CCDC149: variants seen among roughly 807,000 people sequenced by gnomAD.
CCDC149 encodes coiled-coil domain containing 149, also known as coiled-coil domain-containing protein 149.
Under a neutral mutation model 59.9 loss-of-function variants are expected in CCDC149, and 45 were observed. That is an observed-to-expected ratio of 0.75 (90% CI 0.59 to 0.96). CCDC149 has a LOEUF of 0.96. Among genes scored for constraint, CCDC149 ranks in the 40% least tolerant of loss-of-function variants. CCDC149 has a pLI of 0.00. For synonymous variants in CCDC149, 245 were observed against 260.6 expected (o/e 0.94, Z 0.58); for missense variants, 584 against 664.7 (o/e 0.88, Z 1.33).
intron 1 of CCDC149, among the ~76,000 whole-genome samples, chr4:24,882,329 T>C (rs1028586712): frequency 2.0e-5 from 3 of 152,204 alleles, no homozygotes; most frequent in Admixed American, 6.5e-5. Context: ...AGAAAGGAAC[T>C]AGAAGGTTCT....
At chr4:24,833,493 A>T (rs1208676349) in intron 8 of CCDC149, among the ~76,000 whole-genome samples, 1 of 152,122 alleles carries the variant, frequency 6.6e-6, no homozygotes, top group Non-Finnish European at 1.5e-5. Flanking sequence ...GCATGGTAGC[A>T]CACGCCTGTA....
chr4:24,946,530 G>T (rs1723114615), intron 1 of CCDC149, among the ~76,000 whole-genome samples: 1 of 152,108 alleles, frequency 6.6e-6, no homozygotes, highest in Non-Finnish European at 1.5e-5. Flanking sequence ...TGCAACAAAT[G>T]GCGGGTACTT....
intron 1 of CCDC149, among the ~76,000 whole-genome samples, chr4:24,910,969 C>T (rs540153362): frequency 1.3e-5 from 2 of 152,280 alleles, no homozygotes; most frequent in South Asian, 2.1e-4. Flanking sequence ...TCACCTCCCC[C>T]ATGGCCCCTG....
chr4:24,894,667 T>C (rs576016977), intron 1 of CCDC149, among the ~76,000 whole-genome samples: 1 of 151,922 alleles, frequency 6.6e-6, no homozygotes, highest in Admixed American at 6.5e-5. Flanking sequence ...TGTTCTCCTG[T>C]AAACACCAGA....
chr4:24,823,350 C>T (rs1715531555), intron 9 of CCDC149, among the ~76,000 whole-genome samples: 1 of 152,194 alleles, frequency 6.6e-6, no homozygotes, highest in Non-Finnish European at 1.5e-5. Context: ...GCCAAACTTT[C>T]ACTACATGCA....
intron 11 of CCDC149, among the ~76,000 whole-genome samples, chr4:24,820,509 A>G (rs1159747728): frequency 2.0e-5 from 3 of 152,170 alleles, no homozygotes; most frequent in Admixed American, 1.3e-4. Flanking sequence ...TGGGAAAGAA[A>G]GAAGAGGAAG....
At chr4:24,947,211 A>G (rs1460916119) in intron 1 of CCDC149, among the ~76,000 whole-genome samples, 1 of 152,070 alleles carries the variant, frequency 6.6e-6, no homozygotes, top group Admixed American at 6.5e-5. Flanking sequence ...TTGTTCCCAT[A>G]ATCCCCACAT....
At chr4:24,881,440 C>T (rs59507804) in intron 1 of CCDC149, among the ~76,000 whole-genome samples, 4,178 of 152,266 alleles carry the variant, frequency 0.027, 165 homozygotes, top group East Asian at 0.2. Context: ...GGTGGAAGCA[C>T]AGGTTGCTAT....
chr4:24,941,324 A>G (rs974237481), intron 1 of CCDC149, among the ~76,000 whole-genome samples: 10 of 152,224 alleles, frequency 6.6e-5, no homozygotes, highest in Admixed American at 1.3e-4. Flanking sequence ...TGAAGGCAGA[A>G]ATAAAGATGT....
At chr4:24,976,098 C>T (rs747875322) in intron 1 of CCDC149, among the ~76,000 whole-genome samples, 3 of 152,068 alleles carry the variant, frequency 2.0e-5, no homozygotes, top group African/African-American at 4.8e-5. Flanking sequence ...ATTTGAGCCC[C>T]GTGTTTAGCT....
At chr4:24,855,427 A>G (rs800466) in intron 3 of CCDC149, among the ~76,000 whole-genome samples, 119,439 of 151,924 alleles carry the variant, frequency 0.79, 46,974 homozygotes, top group East Asian at 0.91. Flanking sequence ...TTAGCCAGGC[A>G]TAGTAGCACA....
At chr4:24,928,606 T>C (rs951595351) in intron 1 of CCDC149, among the ~76,000 whole-genome samples, 1 of 152,198 alleles carries the variant, frequency 6.6e-6, no homozygotes, top group Non-Finnish European at 1.5e-5. Context: ...TCTTGCTTTC[T>C]TTGCTCCAAT....
intron 12 of CCDC149, among the ~76,000 whole-genome samples, chr4:24,818,216 C>T (rs972145948): frequency 6.6e-6 from 1 of 151,940 alleles, no homozygotes; most frequent in African/African-American, 2.4e-5. Flanking sequence ...TTGATGGCTC[C>T]AAGGTTTTGA....
chr4:24,954,068 C>T (rs1723392955), intron 1 of CCDC149, among the ~76,000 whole-genome samples: 1 of 151,754 alleles, frequency 6.6e-6, no homozygotes, highest in East Asian at 1.9e-4. Flanking sequence ...GTGGAGGTCC[C>T]AGAAGGAGAA....
chr4:24,838,039 C>G, intron 5 of CCDC149, 117 bp downstream of exon 5: 1 of 830,838 alleles, frequency 1.2e-6, no homozygotes. Context: ...TAAAAGCATT[C>G]AACGTGCATC....
chr4:24,839,107 A>T (rs1312781650), intron 4 of CCDC149, among the ~76,000 whole-genome samples: 2 of 152,014 alleles, frequency 1.3e-5, no homozygotes, highest in Non-Finnish European at 2.9e-5. Context: ...GAAAATGACC[A>T]AATGCACCCA....
chr4:24,963,409 AGGCAGTTTG>A (rs1723702934), intron 1 of CCDC149, among the ~76,000 whole-genome samples: 1 of 152,138 alleles, frequency 6.6e-6, no homozygotes, highest in Non-Finnish European at 1.5e-5. Flanking sequence ...AAACTTAACA[AGGCAGTTTG>A]GGTAGTCGCC....
intron 1 of CCDC149, among the ~76,000 whole-genome samples, chr4:24,948,384 A>G (rs1295577505): frequency 1.3e-5 from 2 of 152,188 alleles, no homozygotes; most frequent in African/African-American, 4.8e-5. Flanking sequence ...TGTCTTTTTA[A>G]TAGTAGGAGG....
At position 24,807,658 on chromosome 4, in the gene CCDC149, A is replaced by T. The variant is rs2109079681; in HGVS notation, c.*731T>A. 1 of 152,354 alleles carries T rather than the reference A, an allele frequency of 6.6e-6. No homozygotes were observed. Among genetic ancestry groups the T allele is most frequent in the Middle Eastern group, 3.4e-3 (1 of 296 alleles). 9.4% of individuals were successfully genotyped at this position (152,354 alleles called of 1,614,324 possible). On this transcript the variant is annotated 3_prime_UTR_variant, in exon 13 of 13. Transcript: ENST00000635206. ...CTGGGAGTCCTGTTCCCCGGCTTTT[A>T]TGCTCACCCCTCCCAGTCACTTCAG...
Sources: allele counts gnomAD v4.1 joint callset (sites outside exome capture counted in the v4.1 genomes callset), GRCh38; gene constraint gnomAD v4.1.1; transcripts MANE v1.5; gene names NCBI Gene and HGNC (gene_info 2026-07-23, HGNC 2026-07-21).